ADGRV1: variants seen among roughly 807,000 people sequenced by gnomAD.
The protein encoded by ADGRV1 is G-protein coupled receptor 98.
Under a neutral mutation model 596.2 loss-of-function variants are expected in ADGRV1, and 359 were observed. That is an observed-to-expected ratio of 0.60 (90% CI 0.55 to 0.66). The LOEUF is 0.66. Ranked by LOEUF, ADGRV1 falls within the 30% of genes least tolerant of loss-of-function variation. ADGRV1 has a pLI of 0.00. For synonymous variants in ADGRV1, 2,681 were observed against 2,679.2 expected, an observed-to-expected ratio of 1.00 and a Z score of -0.02; for missense variants, 7,274 against 7,575.6, an observed-to-expected ratio of 0.96 and a Z score of 1.48.
intron 28 of ADGRV1, among the ~76,000 whole-genome samples, chr5:90,685,115 T>A (rs180977634): frequency 3.0e-3 from 451 of 152,298 alleles, no homozygotes; most frequent in African/African-American, 9.9e-3. Flanking sequence ...TCAACACATA[T>A]TAAAATATTT....
intron 70 of ADGRV1, chr5:90,793,049 A>C (rs1760255613): frequency 6.6e-6 from 1 of 152,180 alleles, no homozygotes; most frequent in Non-Finnish European, 1.5e-5. Flanking sequence ...TTTTTTTCTC[A>C]TCAACATTAT....
At chr5:91,089,943 T>C (rs1790237418) in intron 86 of ADGRV1, among the ~76,000 whole-genome samples, 1 of 152,200 alleles carries the variant, frequency 6.6e-6, no homozygotes, top group Non-Finnish European at 1.5e-5. Context: ...CCTTAATAGC[T>C]GAGTAACTGG....
chr5:90,886,257 T>A (rs1175614903), intron 83 of ADGRV1, among the ~76,000 whole-genome samples: 1 of 152,196 alleles, frequency 6.6e-6, no homozygotes, highest in African/African-American at 2.4e-5. Context: ...CAAAAAATTA[T>A]ATAGATCACC....
At chr5:91,067,142 ATT>A (rs35645124) in intron 85 of ADGRV1, among the ~76,000 whole-genome samples, 75 of 130,344 alleles carry the variant, frequency 5.8e-4, no homozygotes, top group South Asian at 1.5e-3. Context: ...TGCAAAGGAG[ATT>A]TTTTTTTTTT....
At chr5:91,008,912 C>T (rs1487917318) in intron 85 of ADGRV1, among the ~76,000 whole-genome samples, 1 of 152,162 alleles carries the variant, frequency 6.6e-6, no homozygotes. Flanking sequence ...CAGTATTTTA[C>T]ATGGCTCCTT....
intron 87 of ADGRV1, among the ~76,000 whole-genome samples, chr5:91,136,902 G>C (rs565495401): frequency 6.6e-6 from 1 of 151,914 alleles, no homozygotes; most frequent in Admixed American, 6.6e-5. Flanking sequence ...TCAAATTACC[G>C]ATTACAAGAA....
At chr5:90,907,366 A>G (rs1024005786) in intron 83 of ADGRV1, among the ~76,000 whole-genome samples, 1 of 152,188 alleles carries the variant, frequency 6.6e-6, no homozygotes, top group Non-Finnish European at 1.5e-5. Context: ...TTGTCCAGCA[A>G]ACCAGATAAA....
chr5:91,153,762 C>T (rs1347631569), intron 89 of ADGRV1, among the ~76,000 whole-genome samples: 1 of 152,206 alleles, frequency 6.6e-6, no homozygotes, highest in African/African-American at 2.4e-5. Flanking sequence ...TATGCAGTGC[C>T]TTTGAAGCAG....
chr5:90,826,751 A>G (rs1322503557), intron 76 of ADGRV1, among the ~76,000 whole-genome samples: 1 of 152,068 alleles, frequency 6.6e-6, no homozygotes, highest in Non-Finnish European at 1.5e-5. Context: ...GAATTACACC[A>G]CTCATTAATG....
chr5:90,665,463 C>A (rs1184038631), intron 21 of ADGRV1, among the ~76,000 whole-genome samples: 1 of 151,914 alleles, frequency 6.6e-6, no homozygotes, highest in Non-Finnish European at 1.5e-5. Flanking sequence ...GGTGATATTC[C>A]CTTTATCATT....
intron 83 of ADGRV1, among the ~76,000 whole-genome samples, chr5:90,938,026 G>A (rs1775858387): frequency 6.6e-6 from 1 of 151,738 alleles, no homozygotes; most frequent in African/African-American, 2.4e-5. Flanking sequence ...TTTTTGTTCC[G>A]TTTCTGGTTC....
At chr5:90,727,861 T>A (rs1292614940) in intron 48 of ADGRV1, among the ~76,000 whole-genome samples, 4 of 152,238 alleles carry the variant, frequency 2.6e-5, no homozygotes, top group Non-Finnish European at 5.9e-5. Context: ...ATTTTTTCTG[T>A]CTTAAGAACT....
Position 91,072,523 on chromosome 5 carries a change from G to C in ADGRV1, c.18229G>C (p.Val6077Leu), listed in dbSNP as rs762746997. Residue 6077 changes from valine (V) to leucine (L), a missense_variant, in exon 86 of 90, where the codon GTG becomes CTG. Coordinates refer to ENST00000405460, the MANE Select transcript of ADGRV1 (RefSeq NM_032119.4). Reference sequence around the variant, plus strand: ...TTTGACGTGCCTCGTGGTGGTGTTCGTGGTGTTCATCCATGCCTACCAGGT... The same window carrying C: ...TTTGACGTGCCTCGTGGTGGTGTTCCTGGTGTTCATCCATGCCTACCAGGT... Reference protein sequence around the residue: ...VPLTCLVVVFVVFIHAYQVKP... With the variant: ...VPLTCLVVVFLVFIHAYQVKP... 2.5e-6 allele frequency: 4 copies of C among 1,613,646 alleles called. No individual in the cohort carries two copies. In the African/African-American group the frequency reaches 5.3e-5, roughly 22 times the overall value.
chr5:90,969,515 A>T (rs1025102661), intron 84 of ADGRV1, among the ~76,000 whole-genome samples: 5 of 152,252 alleles, frequency 3.3e-5, no homozygotes, highest in Admixed American at 2.0e-4. Flanking sequence ...CTCCATAAAT[A>T]GCAGCCTTGC....
At position 90,685,904 on chromosome 5, in the gene ADGRV1, T is replaced by A; in HGVS notation, c.6399T>A (p.His2133Gln). ...SAPIVRVAEN[H>Q]VGPIINVTRT... ...CAATTGTCCGAGTGGCAGAAAATCA[T>A]GTTGGACCCATTATCAATGTGACTA... The change falls in exon 29 of 90, where the codon CAT (histidine) becomes CAA (glutamine). Residue 2133 changes from histidine to glutamine, a missense_variant. Coordinates refer to ENST00000405460, the MANE Select transcript of ADGRV1 (RefSeq NM_032119.4). 2 of 1,611,888 alleles carry A rather than the reference T, an allele frequency of 1.2e-6. No homozygotes were observed. The highest frequency in any genetic ancestry group is 1.7e-6 in the Non-Finnish European group (2 of 1,178,548).
At chr5:90,851,148 A>T (rs1168575592) in intron 79 of ADGRV1, among the ~76,000 whole-genome samples, 1,132 of 108,620 alleles carry the variant, frequency 0.01, 18 homozygotes, top group African/African-American at 0.032. Flanking sequence ...AGAGAGAGAG[A>T]GAGAGAGAGA....
chr5:90,790,351 A>G (rs1581132106), intron 69 of ADGRV1, among the ~76,000 whole-genome samples: 1 of 152,318 alleles, frequency 6.6e-6, no homozygotes, highest in Admixed American at 6.5e-5. Context: ...TATTTTGTGA[A>G]ATTTCTCTAT....
intron 85 of ADGRV1, among the ~76,000 whole-genome samples, chr5:91,019,983 T>A (rs1783500909): frequency 6.6e-6 from 1 of 151,986 alleles, no homozygotes; most frequent in Non-Finnish European, 1.5e-5. Flanking sequence ...TTTCACCCAA[T>A]AATTGGGCCT....
At chr5:90,737,146 T>G (rs183668662) in intron 50 of ADGRV1, among the ~76,000 whole-genome samples, 1 of 152,020 alleles carries the variant, frequency 6.6e-6, no homozygotes, top group East Asian at 1.9e-4. Context: ...TTTTAGTATA[T>G]TATTTTTATT....
Sources: allele counts gnomAD v4.1 joint callset (sites outside exome capture counted in the v4.1 genomes callset), GRCh38; gene constraint gnomAD v4.1.1; transcripts MANE v1.5; gene names NCBI Gene and HGNC (gene_info 2026-07-23, HGNC 2026-07-21).